The following SMC3 variants were observed in gnomAD, a reference collection of about 807,000 sequenced individuals.
SMC3 encodes the protein structural maintenance of chromosomes protein 3.
A neutral mutation model predicts 171.8 loss-of-function variants in SMC3; 20 were observed. The ratio of observed to expected loss-of-function variants is 0.12; its 90% CI spans 0.08 to 0.17. SMC3 has a LOEUF of 0.17. Among genes scored for constraint, SMC3 ranks in the 10% least tolerant of loss-of-function variants. SMC3 has a pLI of 1.00. For synonymous variants in SMC3, 464 were observed against 451.1 expected, an observed-to-expected ratio of 1.03 and a Z score of -0.36; for missense variants, 543 against 1,420.4, an observed-to-expected ratio of 0.38 and a Z score of 9.93.
In SMC3 at chr10:110,577,402, T is replaced by C; in HGVS notation, c.199-19T>C. On this transcript the variant is annotated intron_variant, in intron 4 of 28. Transcript: ENST00000361804. ...ATATACAACTTAAATGGCAAATTTC[T>C]CACTTCTTTCATTTTTAGGAAGGTA... The C allele has an allele frequency of 6.3e-7, 1 of 1,588,776 alleles. No individual in the cohort carries two copies.
At chr10:110,567,873 G>A (rs768781846) in intron 1 of SMC3, 42 bp downstream of exon 1, 1 of 1,612,130 alleles carries the variant, frequency 6.2e-7, no homozygotes, top group Non-Finnish European at 8.5e-7. Flanking sequence ...GGGCCGGTAA[G>A]GGCCGCTCCT....
rs1192767455 is a variant in SMC3, at chr10:110,605,645, T to C, written c.*1343T>C. Among the ~76,000 whole-genome samples the C allele has an allele frequency of 1.3e-5, 2 of 152,216 alleles. No homozygotes were observed. Among genetic ancestry groups the C allele is most frequent in the Admixed American group, 1.3e-4 (2 of 15,280 alleles). On this transcript the variant is annotated 3_prime_UTR_variant, in exon 29 of 29. Transcript: ENST00000361804. The stretch of plus-strand genomic sequence containing the variant: ...TAAATGTTCGGTGTATTATTTATAC[T>C]TTGTAGCTTTGCTATAACATAACTG...
Position 110,599,532 on chromosome 10 carries a change from AC to A in SMC3, c.2269-120del, listed in dbSNP as rs1861355097. 6.3e-6 allele frequency: 5 copies of A among 796,608 alleles called. No homozygotes were observed. The South Asian group carries it at 7.8e-5, about 12-fold the overall frequency. The allele number at this position is 796,608 out of a possible 1,614,324, so 49.3% of individuals were successfully genotyped here. ...AGTCCTAATTACCAAATTAATAGGC[AC>A]CTAATATTTGAGTTGATATGTCTAT... On this transcript the variant is annotated intron_variant, in intron 20 of 28. Transcript: ENST00000361804.
chr10:110,575,784 A>G (rs887675095), intron 4 of SMC3, among the ~76,000 whole-genome samples: 2 of 152,240 alleles, frequency 1.3e-5, no homozygotes, highest in East Asian at 1.9e-4. Flanking sequence ...GGATTTGCCT[A>G]TAGGTGGGTA....
chr10:110,598,303 A>G lies in SMC3; in HGVS notation c.2268+13A>G, dbSNP rs755422141. ...CTTCATGCCTAAGGTTCGTAAGTAT[A>G]TCTTTGGTTATAGATCGATTGTTAC... is the stretch of plus-strand genomic sequence containing the variant. On this transcript the variant is annotated intron_variant, in intron 20 of 28. Transcript: ENST00000361804. 16 of 1,611,342 alleles carry G rather than the reference A, an allele frequency of 9.9e-6. No individual in the cohort carries two copies. The highest frequency in any genetic ancestry group is 5.0e-5 in the Admixed American group (3 of 59,988).
In SMC3 at chr10:110,596,535, C is replaced by T. The variant is rs1861302969; in HGVS notation, c.2101C>T (p.Arg701Cys). Residue 701 changes from arginine (R) to cysteine (C), a missense_variant, in exon 19 of 29, where the codon CGC (arginine) becomes TGC (cysteine). Around this residue, in one of 8 missense-constraint regions of SMC3, gnomAD observed 218 missense variants for 509.6 expected, o/e 0.43. Coordinates refer to ENST00000361804, the MANE Select transcript of SMC3 (RefSeq NM_005445.4). ...ELEAKLNENLRRNIERINNEI... is the reference protein window; with the variant it reads ...ELEAKLNENLCRNIERINNEI... ...TGAAGCAAAGCTCAATGAAAACCTG[C>T]GCAGAAATATTGAAAATATCTTTTT... The T allele has an allele frequency of 6.2e-7, 1 of 1,613,720 alleles. No homozygotes were observed. Among genetic ancestry groups the T allele is most frequent in the Non-Finnish European group, 8.5e-7 (1 of 1,179,808 alleles).
At position 110,567,835 on chromosome 10, in the gene SMC3, A is replaced by G. The variant is rs766270356; in HGVS notation, c.15+4A>G. 2 of 1,613,434 alleles carry G rather than the reference A, an allele frequency of 1.2e-6. No individual in the cohort carries two copies. The highest frequency in any genetic ancestry group is 1.7e-6 in the Non-Finnish European group (2 of 1,179,752). On this transcript the variant is annotated splice_donor_region_variant and intron_variant, in intron 1 of 28. Coordinates refer to ENST00000361804, the MANE Select transcript of SMC3 (RefSeq NM_005445.4). ...CGGAATCATGTACATAAAGCAGGTAAGGCCTTCGCGTCCCTCCACCCCGTC... is the reference window on the plus strand; with the variant it reads ...CGGAATCATGTACATAAAGCAGGTAGGGCCTTCGCGTCCCTCCACCCCGTC...
chr10:110,594,938 C>T (rs1360783361), intron 18 of SMC3, among the ~76,000 whole-genome samples: 1 of 151,888 alleles, frequency 6.6e-6, no homozygotes, highest in Non-Finnish European at 1.5e-5. Flanking sequence ...CTCAATTATC[C>T]TAAAATATTT....
rs565852713 is a variant in SMC3 at position 110,580,845 on chromosome 10, GTTC to G, written c.430-50_430-48del. ...TGTATTAAAAACCTTTCAACGTGGA[GTTC>G]TTCTTCTTAAACGGAGGCTACAGCT... On this transcript the variant is annotated intron_variant, in intron 7 of 28. Coordinates refer to ENST00000361804, the MANE Select transcript of SMC3 (RefSeq NM_005445.4). The G allele has an allele frequency of 1.3e-3, 1,180 of 917,142 alleles. 1 individual carries two copies. Among genetic ancestry groups the G allele is most frequent in the Non-Finnish European group, 1.8e-3 (989 of 543,828 alleles). 56.8% of individuals were successfully genotyped at this position (917,142 alleles called of 1,614,324 possible). A position where few individuals can be genotyped will look rare whatever the true frequency, so the allele number is the denominator to read the frequency against.
chr10:110,589,841 G>T, intron 14 of SMC3, 51 bp from the exon 15 acceptor site: 1 of 1,540,692 alleles, frequency 6.5e-7, no homozygotes, highest in South Asian at 1.1e-5. Context: ...TACTGTTAAT[G>T]CATCCTCATA....
rs1345128062 is a variant in SMC3 at position 110,577,798 on chromosome 10, T to C, written c.271-37T>C. On this transcript the variant is annotated intron_variant, in intron 5 of 28. Coordinates refer to ENST00000361804, the MANE Select transcript of SMC3 (RefSeq NM_005445.4). ...TTATTTAAAAAGTTTTCTCCTTTACTATTAAATTAACTGTGGGCTTTTACA... is the reference window on the plus strand; with the variant it reads ...TTATTTAAAAAGTTTTCTCCTTTACCATTAAATTAACTGTGGGCTTTTACA... 5 of 1,426,344 alleles carry C rather than the reference T, an allele frequency of 3.5e-6. No individual in the cohort carries two copies. The South Asian group carries it at 5.8e-5, about 17-fold the overall frequency. The allele number at this position is 1,426,344 out of a possible 1,614,324, so 88.4% of individuals were successfully genotyped here. A position where few individuals can be genotyped will look rare whatever the true frequency, so the allele number is the denominator to read the frequency against.
At position 110,593,078 on chromosome 10, in the gene SMC3, T is replaced by C. The variant is rs1428383373; in HGVS notation, c.1818T>C (p.Ala606=). The change falls in exon 18 of 29, where the codon GCT becomes GCC. Residue 606 remains alanine, a synonymous_variant. Coordinates refer to ENST00000361804, the MANE Select transcript of SMC3 (RefSeq NM_005445.4). ...RDTAYPETND[A]IPMISKLRYN... ...TGACAAAATTTCATTTTTAGGATGC[T>C]ATTCCTATGATCAGCAAACTGAGGT... 1.9e-6 allele frequency: 3 copies of C among 1,613,548 alleles called. No homozygotes were observed. The South Asian group carries it at 3.3e-5, about 18-fold the overall frequency.
rs1227369030 is a variant in SMC3 at position 110,604,289 on chromosome 10, C to T, written c.3641C>T (p.Thr1214Ile). The change falls in exon 29 of 29, where the codon ACC becomes ATC. Residue 1214 changes from threonine to isoleucine, a missense_variant. This residue lies in a region of SMC3 where 31 missense variants were observed against 150.9 expected (regional missense o/e 0.21). Coordinates refer to ENST00000361804, the MANE Select transcript of SMC3 (RefSeq NM_005445.4). ...EMAKDFVEDD[T>I]THG ...GCCAAAGACTTTGTAGAAGATGATA[C>T]CACACATGGTTAATTGGAAAATACT... The T allele has an allele frequency of 3.7e-6, 6 of 1,606,600 alleles. No homozygotes were observed.
intron 5 of SMC3, 140 bp from the exon 6 acceptor site, chr10:110,577,695 A>C (rs893043270): frequency 1.6e-5 from 11 of 696,830 alleles, no homozygotes; most frequent in Admixed American, 8.1e-5. Context: ...AAGAGTATTG[A>C]GTATTTGTAG....
rs1232653468 is a variant in SMC3, at chr10:110,567,804, G to A, written c.-13G>A. ...CCGGGGCAGGTCTCCTTCCAGGCCA[G>A]GGGCCCGGAATCATGTACATAAAGC... is the stretch of plus-strand genomic sequence containing the variant. On this transcript the variant is annotated 5_prime_UTR_variant, in exon 1 of 29. Coordinates refer to ENST00000361804, the MANE Select transcript of SMC3 (RefSeq NM_005445.4). 4 of 1,613,422 alleles carry A rather than the reference G, an allele frequency of 2.5e-6. No individual in the cohort carries two copies. The highest frequency in any genetic ancestry group is 1.7e-4 in the Middle Eastern group (1 of 6,054).
intron 6 of SMC3, 65 bp downstream of exon 6, chr10:110,577,979 T>C (rs1413277880): frequency 8.8e-7 from 1 of 1,134,862 alleles, no homozygotes; most frequent in Non-Finnish European, 1.3e-6. Context: ...GGTATTGCTG[T>C]GTTGGCCAGG....
At position 110,605,320 on chromosome 10, in the gene SMC3, C is replaced by T. The variant is rs149058674; in HGVS notation, c.*1018C>T. ...CCTGGAAAACTACCTCAATAGTCCT[C>T]GTAGCTTTTTGTAGATTCTTTGAGA... is the stretch of plus-strand genomic sequence containing the variant. On this transcript the variant is annotated 3_prime_UTR_variant, in exon 29 of 29. Coordinates refer to ENST00000361804, the MANE Select transcript of SMC3 (RefSeq NM_005445.4). Among the ~76,000 whole-genome samples, 11 of 152,188 alleles carry T rather than the reference C, an allele frequency of 7.2e-5. No homozygotes were observed. The highest frequency in any genetic ancestry group is 3.9e-4 in the Admixed American group (6 of 15,292).
intron 3 of SMC3, among the ~76,000 whole-genome samples, chr10:110,574,414 CT>C (rs1158968143): frequency 6.6e-6 from 1 of 152,080 alleles, no homozygotes; most frequent in Non-Finnish European, 1.5e-5. Flanking sequence ...AAAATTTGAA[CT>C]TTTTAGTTGG....
intron 19 of SMC3, 120 bp downstream of exon 19, chr10:110,596,670 G>A: frequency 1.1e-6 from 1 of 920,644 alleles, no homozygotes; most frequent in Non-Finnish European, 1.6e-6. Context: ...AAGTTCAAGA[G>A]CTTATGTTTG....
Sources: gnomAD v4.1 joint callset for allele counts (sites outside exome capture counted in the v4.1 genomes callset) on GRCh38, gnomAD v4.1.1 for gene constraint, gnomAD v4.1.1 regional missense constraint, MANE v1.5 for transcripts, NCBI Gene and HGNC (gene_info 2026-07-23, HGNC 2026-07-21) for gene names.